PCIF1: variants seen among roughly 807,000 people sequenced by gnomAD.
PCIF1 encodes the protein mRNA (2'-O-methyladenosine-N(6)-)-methyltransferase.
Under a neutral mutation model 86.9 loss-of-function variants are expected in PCIF1, and 12 were observed. The ratio of observed to expected loss-of-function variants is 0.14; its 90% CI spans 0.09 to 0.22. PCIF1 has a LOEUF of 0.22. PCIF1 is among the 10% of genes least tolerant of loss of function. PCIF1 has a pLI of 1.00. For missense variants in PCIF1, 701 were observed against 951.1 expected, an observed-to-expected ratio of 0.74 and a Z score of 3.46; for synonymous variants, 397 against 372.0, an observed-to-expected ratio of 1.07 and a Z score of -0.77.
At position 45,947,348 on chromosome 20, in the gene PCIF1, G is replaced by A. The variant is rs115793726; in HGVS notation, c.1793G>A (p.Arg598His). The A allele has an allele frequency of 5.4e-4, 878 of 1,613,846 alleles. 4 individuals carry two copies. In the African/African-American group the frequency reaches 9.9e-3, roughly 18 times the overall value. ...WREPPTPALTRMEQSRFKRHQ... is the reference protein window; with the variant it reads ...WREPPTPALTHMEQSRFKRHQ... ...GAACCCCCAACACCAGCGCTCACCC[G>A]CATGGAGCAGAGCCGCTTCAAACGC... The change falls in exon 16 of 17, where the codon CGC (arginine) becomes CAC (histidine). Residue 598 changes from arginine to histidine, a missense_variant. Physicochemically the swap from Arg to His is conservative, Grantham distance 29. Coordinates refer to ENST00000372409, the MANE Select transcript of PCIF1 (RefSeq NM_022104.4). This position sits in a 1 kb window ranked among gnomAD's most constrained non-coding sequence, Gnocchi z 5.4.
In PCIF1 at chr20:45,940,499, A is replaced by G; in HGVS notation, c.274A>G (p.Thr92Ala). The change falls in exon 5 of 17, where the codon ACC (threonine) becomes GCC (alanine). Residue 92 changes from threonine to alanine, a missense_variant. By Grantham distance (58) the Thr-to-Ala change is moderately conservative. Coordinates refer to ENST00000372409, the MANE Select transcript of PCIF1 (RefSeq NM_022104.4). ...GTCGGACCCTTTGGGGCTGAATGCGACCCCACTGCCCCAAGACTCAAGCTT... is the reference window on the plus strand; with the variant it reads ...GTCGGACCCTTTGGGGCTGAATGCGGCCCCACTGCCCCAAGACTCAAGCTT... ...VISDPLGLNA[T>A]PLPQDSSLVE... 6.2e-7 allele frequency: 1 copy of G among 1,607,380 alleles called. No individual in the cohort carries two copies. Among genetic ancestry groups the G allele is most frequent in the Non-Finnish European group, 8.5e-7 (1 of 1,176,712 alleles).
In PCIF1 at chr20:45,939,331, G is replaced by A. The variant is rs1236582407; in HGVS notation, c.241G>A (p.Asp81Asn). 2.5e-6 allele frequency: 4 copies of A among 1,613,252 alleles called. No homozygotes were observed. Among genetic ancestry groups the A allele is most frequent in the South Asian group, 1.1e-5 (1 of 91,050 alleles). Residue 81 changes from aspartate (D) to asparagine (N), a missense_variant, in exon 4 of 17, where the codon GAT becomes AAT. Transcript: ENST00000372409. Reference sequence around the variant, plus strand: ...GGAGATGCCCGTGCTGGGGCAGCACGATGTGATTGTGAGTGCCAGCCTAGG... The same window carrying A: ...GGAGATGCCCGTGCTGGGGCAGCACAATGTGATTGTGAGTGCCAGCCTAGG... ...LWEMPVLGQH[D>N]VISDPLGLNA...
intron 2 of PCIF1, chr20:45,937,975 G>C (rs2083440360): frequency 6.1e-6 from 1 of 164,664 alleles, no homozygotes; most frequent in African/African-American, 2.4e-5. Flanking sequence ...AAAGATAACT[G>C]ATGTTTAAGC....
At chr20:45,935,693 G>C (rs2083418822) in intron 1 of PCIF1, among the ~76,000 whole-genome samples, 1 of 152,166 alleles carries the variant, frequency 6.6e-6, no homozygotes, top group Non-Finnish European at 1.5e-5. Flanking sequence ...TTTTCAAATA[G>C]TGTGAAAAAA....
rs777487332 is a variant in PCIF1 at position 45,945,828 on chromosome 20, G to A, written c.1286G>A (p.Cys429Tyr). Residue 429 changes from cysteine to tyrosine, a missense_variant, in exon 12 of 17, where the codon TGC (cysteine) becomes TAC (tyrosine). By Grantham distance (194) the Cys-to-Tyr change is radical. Around this residue, in one of 7 missense-constraint regions of PCIF1, gnomAD observed 121 missense variants for 131.7 expected, o/e 0.92. Coordinates refer to ENST00000372409, the MANE Select transcript of PCIF1 (RefSeq NM_022104.4). ...VEMHMENNVV[C>Y]IRYKGEMVKV... ...ATGCACATGGAGAACAACGTGGTCT[G>A]CATCCGGTATAAGGGAGAGATGGTC... 3.7e-6 allele frequency: 6 copies of A among 1,613,844 alleles called. No individual in the cohort carries two copies. Among genetic ancestry groups the A allele is most frequent in the Non-Finnish European group, 4.2e-6 (5 of 1,180,040 alleles).
In PCIF1 at chr20:45,943,621, T is replaced by A. The variant is rs1471197988; in HGVS notation, c.906-45T>A. ...GCCCATGGAATTGGGATGAGGAGGG[T>A]GGAGCCAAGCCATTCCTTTCTTCTG... On this transcript the variant is annotated intron_variant, in intron 9 of 16. Coordinates refer to ENST00000372409, the MANE Select transcript of PCIF1 (RefSeq NM_022104.4). This position sits in a 1 kb window ranked among gnomAD's most constrained non-coding sequence, Gnocchi z 5.5. 2.0e-6 allele frequency: 3 copies of A among 1,520,224 alleles called. No homozygotes were observed. Among genetic ancestry groups the A allele is most frequent in the Non-Finnish European group, 2.7e-6 (3 of 1,119,550 alleles). The allele number at this position is 1,520,224 out of a possible 1,614,324, so 94.2% of individuals were successfully genotyped here.
rs1310186560 is a variant in PCIF1 at position 45,945,024 on chromosome 20, A to G, written c.1162A>G (p.Ile388Val). The G allele has an allele frequency of 6.2e-7, 1 of 1,608,998 alleles. No individual in the cohort carries two copies. Among genetic ancestry groups the G allele is most frequent in the African/African-American group, 1.3e-5 (1 of 74,994 alleles). ...KHLAILKENN[I>V]SEEVEAPEVE... is the part of the protein sequence containing the mutation. ...CCTTGCCATCCTCAAGGAAAACAAC[A>G]TCTCAGGTAGGGGAAAGGTGAAGGA... Residue 388 changes from isoleucine to valine, a missense_variant, in exon 11 of 17, where the codon ATC becomes GTC. Ile to Val is a conservative substitution (Grantham distance 29). Around this residue, in one of 7 missense-constraint regions of PCIF1, gnomAD observed 121 missense variants for 131.7 expected, o/e 0.92. Coordinates refer to ENST00000372409, the MANE Select transcript of PCIF1 (RefSeq NM_022104.4).
Position 45,946,119 on chromosome 20 carries a change from C to T in PCIF1, c.1428+4C>T. On this transcript the variant is annotated splice_donor_region_variant and intron_variant, in intron 13 of 16. Coordinates refer to ENST00000372409, the MANE Select transcript of PCIF1 (RefSeq NM_022104.4). ...GTGTCTTCTCCGACGGTACCAGGTA[C>T]AGGCCTGGGGCAGCAGGGAGGGCTC... 1 of 1,614,170 alleles carries T rather than the reference C, an allele frequency of 6.2e-7. No homozygotes were observed. The highest frequency in any genetic ancestry group is 8.5e-7 in the Non-Finnish European group (1 of 1,180,024).
intron 2 of PCIF1, 139 bp from the exon 3 acceptor site, chr20:45,938,842 G>A (rs560805652): frequency 1.8e-6 from 2 of 1,109,282 alleles, no homozygotes; most frequent in Non-Finnish European, 2.6e-6. Flanking sequence ...CAGGGCTGCT[G>A]TGTGGCACCA....
Sources: gnomAD v4.1 joint callset for allele counts (sites outside exome capture counted in the v4.1 genomes callset) on GRCh38, gnomAD v4.1.1 for gene constraint, gnomAD v4.1.1 regional missense constraint, Gnocchi (gnomAD v3.1) non-coding constraint, MANE v1.5 for transcripts, NCBI Gene and HGNC (gene_info 2026-07-23, HGNC 2026-07-21) for gene names.